Variants in CCSER1 observed in about 807,000 individuals in gnomAD.
CCSER1 encodes serine-rich coiled-coil domain-containing protein 1.
CCSER1 carries 41 observed loss-of-function variants against 82.0 expected under a neutral mutation model. The ratio of observed to expected loss-of-function variants is 0.50; its 90% CI spans 0.39 to 0.65. CCSER1 has a LOEUF of 0.65. Among genes scored for constraint, CCSER1 ranks in the 30% least tolerant of loss-of-function variants. CCSER1 has a pLI of 0.00. For synonymous variants in CCSER1, 414 were observed against 383.9 expected, an observed-to-expected ratio of 1.08 and a Z score of -0.92; for missense variants, 1,119 against 1,064.2, an observed-to-expected ratio of 1.05 and a Z score of -0.72.
intron 10 of CCSER1, among the ~76,000 whole-genome samples, chr4:91,420,479 A>G (rs1560657206): frequency 6.6e-6 from 1 of 152,144 alleles, no homozygotes; most frequent in Non-Finnish European, 1.5e-5. Flanking sequence ...GCAAATGAAA[A>G]TCACAATGAG....
intron 1 of CCSER1, among the ~76,000 whole-genome samples, chr4:90,142,465 T>C (rs1260273004): frequency 6.6e-6 from 1 of 152,210 alleles, no homozygotes; most frequent in Non-Finnish European, 1.5e-5. Context: ...GATGGGTAAA[T>C]AGGGGAATTG....
intron 3 of CCSER1, among the ~76,000 whole-genome samples, chr4:90,321,032 A>G (rs58222815): frequency 0.3 from 46,194 of 151,914 alleles, 7,189 homozygotes; most frequent in East Asian, 0.44. Context: ...TGGGTTATCT[A>G]TCACCTCAAG....
chr4:90,286,630 A>T (rs1346116290), intron 1 of CCSER1, among the ~76,000 whole-genome samples: 1 of 152,062 alleles, frequency 6.6e-6, no homozygotes, highest in Non-Finnish European at 1.5e-5. Flanking sequence ...TTTACTGAAC[A>T]TTTGTAACAG....
At chr4:91,031,191 GA>G (rs1740951974) in intron 9 of CCSER1, among the ~76,000 whole-genome samples, 1 of 152,148 alleles carries the variant, frequency 6.6e-6, no homozygotes, top group South Asian at 2.1e-4. Context: ...CTGCCTGGAT[GA>G]GCTTGATTTT....
intron 10 of CCSER1, among the ~76,000 whole-genome samples, chr4:91,348,908 A>AATTT (rs1370318936): frequency 2.7e-5 from 4 of 150,660 alleles, no homozygotes; most frequent in African/African-American, 2.4e-5. Flanking sequence ...TTAATTAATT[A>AATTT]ATTTATTTAT....
At chr4:90,826,136 A>G (rs1760407167) in intron 8 of CCSER1, among the ~76,000 whole-genome samples, 1 of 152,264 alleles carries the variant, frequency 6.6e-6, no homozygotes, top group African/African-American at 2.4e-5. Flanking sequence ...CCCAATAAAA[A>G]CTAGCTTGTT....
At chr4:90,932,257 T>C (rs1330496721) in intron 9 of CCSER1, among the ~76,000 whole-genome samples, 2 of 152,144 alleles carry the variant, frequency 1.3e-5, no homozygotes, top group African/African-American at 4.8e-5. Flanking sequence ...GCATCAAAGT[T>C]CTATACATAC....
intron 9 of CCSER1, among the ~76,000 whole-genome samples, chr4:90,971,432 C>A (rs72665467): frequency 0.22 from 32,837 of 151,780 alleles, 4,303 homozygotes; most frequent in Non-Finnish European, 0.29. Flanking sequence ...CCACCAAGCC[C>A]CTCTTCCAAC....
At chr4:91,470,431 G>T in intron 10 of CCSER1, among the ~76,000 whole-genome samples, 1 of 125,860 alleles carries the variant, frequency 7.9e-6, no homozygotes, top group East Asian at 2.7e-4. Context: ...TTATATTATG[G>T]AAGACTGAAA....
chr4:91,151,285 A>G lies in CCSER1; in HGVS notation c.2217+65291A>G, dbSNP rs552696599. Among the ~76,000 whole-genome samples, 12 of 152,202 alleles carry G rather than the reference A, an allele frequency of 7.9e-5. No individual in the cohort carries two copies. In the South Asian group the frequency reaches 2.1e-3, roughly 26 times the overall value. ...GGTGCTTATAGTATTCTCTGATGGT[A>G]GTTTGTATCTCTGTGGGATCAGTGG... On this transcript the variant is annotated intron_variant, in intron 10 of 10. Transcript: ENST00000509176.
intron 10 of CCSER1, among the ~76,000 whole-genome samples, chr4:91,218,371 C>T (rs1737466089): frequency 6.6e-6 from 1 of 152,188 alleles, no homozygotes; most frequent in Non-Finnish European, 1.5e-5. Context: ...TCCCTGCAAG[C>T]TGAGGGAGTG....
At chr4:91,089,542 A>G (rs1723728983) in intron 10 of CCSER1, among the ~76,000 whole-genome samples, 2 of 152,098 alleles carry the variant, frequency 1.3e-5, no homozygotes, top group Admixed American at 1.3e-4. Flanking sequence ...TCTCACTTTC[A>G]TTTTCACTAC....
intron 4 of CCSER1, among the ~76,000 whole-genome samples, chr4:90,459,678 C>A (rs938680981): frequency 6.6e-6 from 1 of 151,968 alleles, no homozygotes; most frequent in Non-Finnish European, 1.5e-5. Flanking sequence ...GGGCACCAGT[C>A]GTACTGGATT....
intron 10 of CCSER1, among the ~76,000 whole-genome samples, chr4:91,125,063 A>T (rs1727388647): frequency 6.6e-6 from 1 of 151,754 alleles, no homozygotes; most frequent in African/African-American, 2.4e-5. Flanking sequence ...TAAATTTATG[A>T]TTTTATTTCT....
chr4:91,166,001 GTTTTCTGCGTT>G (rs1732020576), intron 10 of CCSER1, among the ~76,000 whole-genome samples: 1 of 152,140 alleles, frequency 6.6e-6, no homozygotes, highest in East Asian at 1.9e-4. Flanking sequence ...AGAAATCACC[GTTTTCTGCGTT>G]GATCACGCTG....
intron 10 of CCSER1, among the ~76,000 whole-genome samples, chr4:91,532,702 A>G (rs1761095849): frequency 7.2e-6 from 1 of 139,578 alleles, no homozygotes; most frequent in Non-Finnish European, 1.6e-5. Context: ...CCCATTCTCT[A>G]CAAAAAAATA....
intron 1 of CCSER1, among the ~76,000 whole-genome samples, chr4:90,263,045 T>A (rs1162999589): frequency 6.6e-6 from 1 of 152,138 alleles, no homozygotes; most frequent in Non-Finnish European, 1.5e-5. Flanking sequence ...CCAAGACCCT[T>A]CATGTGCTGC....
intron 9 of CCSER1, among the ~76,000 whole-genome samples, chr4:90,934,955 C>G (rs1348708186): frequency 6.6e-6 from 1 of 151,914 alleles, no homozygotes; most frequent in Admixed American, 6.6e-5. Flanking sequence ...CACACACAGA[C>G]ACACACAAAA....
chr4:91,355,224 T>A (rs1748744038), intron 10 of CCSER1, among the ~76,000 whole-genome samples: 3 of 152,112 alleles, frequency 2.0e-5, no homozygotes, highest in Middle Eastern at 3.4e-3. Context: ...ACTGTTTAAC[T>A]TTTTTTTAGT....
Sources: allele counts gnomAD v4.1 joint callset (sites outside exome capture counted in the v4.1 genomes callset), GRCh38; gene constraint gnomAD v4.1.1; transcripts MANE v1.5; gene names NCBI Gene and HGNC (gene_info 2026-07-23, HGNC 2026-07-21).